KLHL25: variants seen among roughly 807,000 people sequenced by gnomAD.
The protein encoded by KLHL25 is kelch-like protein 25.
KLHL25 carries 41 observed loss-of-function variants against 30.0 expected under a neutral mutation model. That is an observed-to-expected ratio of 1.37 (90% CI 1.07 to 1.78). The LOEUF (loss-of-function observed/expected upper bound fraction) is 1.78. Ranked by LOEUF, KLHL25 falls within the 40% of genes most tolerant of loss-of-function variation. The probability of loss-of-function intolerance (pLI) is 0.00; values close to 1 mark genes in which losing one functional copy is unlikely to be tolerated. For missense variants in KLHL25, 971 were observed against 824.5 expected, an observed-to-expected ratio of 1.18 and a Z score of -2.18; for synonymous variants, 399 against 355.3, an observed-to-expected ratio of 1.12 and a Z score of -1.38.
intron 2 of KLHL25, among the ~76,000 whole-genome samples, chr15:85,767,396 G>A (rs898537226): frequency 4.0e-5 from 6 of 151,758 alleles, no homozygotes; most frequent in Non-Finnish European, 7.4e-5. Context: ...CACCATGCCC[G>A]GGCCTGGTTG....
intron 1 of KLHL25, among the ~76,000 whole-genome samples, chr15:85,772,598 T>G (rs2089683862): frequency 6.6e-6 from 1 of 152,178 alleles, no homozygotes; most frequent in South Asian, 2.1e-4. Flanking sequence ...GGCACTGTGT[T>G]AACTGGGCTG....
At chr15:85,763,429 C>G (rs1232431521) in intron 2 of KLHL25, 1 of 152,254 alleles carries the variant, frequency 6.6e-6, no homozygotes, top group Admixed American at 6.5e-5. Context: ...CATGTGATGC[C>G]AACTGTCTCA....
intron 1 of KLHL25, among the ~76,000 whole-genome samples, chr15:85,782,235 A>G (rs1306783943): frequency 6.6e-6 from 1 of 152,002 alleles, no homozygotes; most frequent in Middle Eastern, 3.2e-3. Flanking sequence ...TCATATACAC[A>G]TTTTTAGCAT....
In KLHL25 at chr15:85,765,379, A is replaced by G. The variant is rs1009149382; in HGVS notation, c.*24+2638T>C. On this transcript the variant is annotated intron_variant, in intron 2 of 2. Transcript: ENST00000337975. ...GAAGGCTCACACCTGTAATCCCAGC[A>G]CTTTGGAAGGCCGAGGCGGGTGGAT... is the stretch of plus-strand genomic sequence containing the variant. Among the ~76,000 whole-genome samples the G allele has an allele frequency of 3.3e-5, 5 of 152,098 alleles. No homozygotes were observed. The East Asian group carries it at 9.7e-4, about 29-fold the overall frequency.
intron 1 of KLHL25, among the ~76,000 whole-genome samples, chr15:85,779,440 T>C (rs905192254): frequency 4.7e-4 from 72 of 152,168 alleles, no homozygotes; most frequent in Non-Finnish European, 1.5e-4. Context: ...GTATAAGGCA[T>C]AGATACACAT....
chr15:85,766,867 C>T (rs2151805541), intron 2 of KLHL25, among the ~76,000 whole-genome samples: 1 of 152,306 alleles, frequency 6.6e-6, no homozygotes, highest in East Asian at 1.9e-4. Context: ...CACACAGCTG[C>T]CCCCAGGAGA....
intron 2 of KLHL25, chr15:85,763,885 G>C (rs1378984152): frequency 6.6e-6 from 1 of 152,332 alleles, no homozygotes; most frequent in Non-Finnish European, 1.5e-5. Flanking sequence ...ACTGCCAGAC[G>C]ACATTCTAGG....
chr15:85,762,773 C>A (rs11630585), intron 2 of KLHL25: 29,648 of 152,266 alleles, frequency 0.19, 3,842 homozygotes, highest in Middle Eastern at 0.39. Context: ...AGGCCCAACC[C>A]TCAAGGCTGG....
chr15:85,763,900 AGAC>A (rs796304101), intron 2 of KLHL25: 11 of 152,446 alleles, frequency 7.2e-5, no homozygotes, highest in African/African-American at 2.6e-4. Flanking sequence ...TCTAGGTGGC[AGAC>A]GACGATGCGC....
chr15:85,770,921 G>C (rs1475465683), intron 1 of KLHL25: 1 of 286,032 alleles, frequency 3.5e-6, no homozygotes, highest in Non-Finnish European at 6.8e-6. Flanking sequence ...GGCATGACCC[G>C]AGGCCCCAGT....
intron 1 of KLHL25, among the ~76,000 whole-genome samples, chr15:85,781,348 G>C (rs938611400): frequency 6.6e-6 from 1 of 152,220 alleles, no homozygotes; most frequent in African/African-American, 2.4e-5. Context: ...TATGCACTCT[G>C]GAGAGAATGA....
rs770340490 is a variant in KLHL25, at chr15:85,768,884, C to G, written c.927G>C (p.Lys309Asn). The change falls in exon 2 of 3, where the codon AAG becomes AAC. Residue 309 changes from lysine to asparagine, a missense_variant. By Grantham distance (94) the Lys-to-Asn change is moderately conservative (BLOSUM62 0). Transcript: ENST00000337975. ...ILGGQTFMCD[K>N]IYQVDHKAKE... ...TGGCCTTGTGGTCCACCTGGTAGATCTTGTCACACATGAAGGTCTGGCCCC... is the reference window on the plus strand; with the variant it reads ...TGGCCTTGTGGTCCACCTGGTAGATGTTGTCACACATGAAGGTCTGGCCCC... 8 of 1,613,234 alleles carry G rather than the reference C, an allele frequency of 5.0e-6. No homozygotes were observed. The highest frequency in any genetic ancestry group is 1.7e-5 in the Admixed American group (1 of 60,004).
At chr15:85,766,707 C>T (rs951180826) in intron 2 of KLHL25, among the ~76,000 whole-genome samples, 25 of 152,166 alleles carry the variant, frequency 1.6e-4, no homozygotes, top group Non-Finnish European at 3.5e-4. Flanking sequence ...GTTTTCATAG[C>T]GATTCCACAC....
rs1392584234 is a variant in KLHL25, at chr15:85,760,688, G to GC, written c.*347dup. 1 of 152,594 alleles carries GC rather than the reference G, an allele frequency of 6.6e-6. No homozygotes were observed. Among genetic ancestry groups the GC allele is most frequent in the Non-Finnish European group, 1.5e-5 (1 of 68,298 alleles). The allele number at this position is 152,594 out of a possible 1,614,324, so 9.5% of individuals were successfully genotyped here. On this transcript the variant is annotated 3_prime_UTR_variant, in exon 3 of 3. Coordinates refer to ENST00000337975, the MANE Select transcript of KLHL25 (RefSeq NM_022480.4). ...GCGCCTCCCTGCCCCTGCCTGCCCG[G>GC]CCCCAGTCCAGGACCTGCCAAACAG...
intron 2 of KLHL25, among the ~76,000 whole-genome samples, chr15:85,766,479 C>CCT (rs1385276949): frequency 6.6e-6 from 1 of 152,078 alleles, no homozygotes; most frequent in African/African-American, 2.4e-5. Context: ...GCCGGGATAC[C>CCT]CTCTCTCGTG....
rs2089648985 is a variant in KLHL25, at chr15:85,769,094, G to T, written c.717C>A (p.Ala239=). The part of the protein sequence containing the change: ...LPELLRSVRL[A]LLPSDCLQEA... ...CCTGCAGGCAGTCGGACGGCAGCAA[G>T]GCCAGACGCACGCTGCGGAGGAGCT... Residue 239 remains alanine, a synonymous_variant, in exon 2 of 3, where the codon GCC becomes GCA. Coordinates refer to ENST00000337975, the MANE Select transcript of KLHL25 (RefSeq NM_022480.4). The T allele has an allele frequency of 1.2e-6, 2 of 1,606,816 alleles. No homozygotes were observed. Among genetic ancestry groups the T allele is most frequent in the East Asian group, 4.5e-5 (2 of 44,716 alleles).
chr15:85,773,859 G>A (rs1463939107), intron 1 of KLHL25, among the ~76,000 whole-genome samples: 4 of 152,050 alleles, frequency 2.6e-5, no homozygotes, highest in Admixed American at 6.5e-5. Context: ...CCCTTTTGCT[G>A]AGGCCTGTCA....
At chr15:85,765,292 A>G (rs1354145432) in intron 2 of KLHL25, among the ~76,000 whole-genome samples, 2 of 151,722 alleles carry the variant, frequency 1.3e-5, no homozygotes, top group East Asian at 1.9e-4. Flanking sequence ...GGGAATCAAG[A>G]AATTTGGCAG....
intron 1 of KLHL25, among the ~76,000 whole-genome samples, chr15:85,778,004 G>C (rs1027374464): frequency 2.6e-5 from 4 of 152,226 alleles, no homozygotes; most frequent in African/African-American, 9.6e-5. Flanking sequence ...AATCAGGACG[G>C]ATGAGGTTCT....
Sources: allele counts gnomAD v4.1 joint callset (sites outside exome capture counted in the v4.1 genomes callset), GRCh38; gene constraint gnomAD v4.1.1; transcripts MANE v1.5; gene names NCBI Gene and HGNC (gene_info 2026-07-23, HGNC 2026-07-21).